The following DOCK3 variants were observed in gnomAD, a reference collection of about 807,000 sequenced individuals.
DOCK3 encodes dedicator of cytokinesis protein 3.
A neutral mutation model predicts 265.6 loss-of-function variants in DOCK3; 60 were observed. The ratio of observed to expected loss-of-function variants is 0.23; its 90% CI spans 0.18 to 0.28. The LOEUF (loss-of-function observed/expected upper bound fraction) is 0.28, where lower values mean the gene tolerates loss of function less well. Ranked by LOEUF, DOCK3 falls within the 10% of genes least tolerant of loss-of-function variation. The pLI is 1.00. For synonymous variants in DOCK3, 881 were observed against 938.0 expected (o/e 0.94, Z 1.11); for missense variants, 1,981 against 2,594.3 (o/e 0.76, Z 5.14).
At position 51,011,383 on chromosome 3, in the gene DOCK3, G is replaced by A. The variant is rs185478836; in HGVS notation, c.316-53065G>A. Among the ~76,000 whole-genome samples, 1,217 of 152,156 alleles carry A rather than the reference G, an allele frequency of 8.0e-3. 38 individuals carry two copies. Among genetic ancestry groups the A allele is most frequent in the Admixed American group, 0.065 (990 of 15,264 alleles). ...CTTCATTTCATTCATTTGATCTTCAGTCACTGATACCCTTTCTTCCAGTTG... is the reference window on the plus strand; with the variant it reads ...CTTCATTTCATTCATTTGATCTTCAATCACTGATACCCTTTCTTCCAGTTG... On this transcript the variant is annotated intron_variant, in intron 5 of 52. Transcript: ENST00000266037.
intron 2 of DOCK3, 117 bp downstream of exon 2, chr3:50,778,875 A>G: frequency 1.5e-6 from 1 of 653,440 alleles, no homozygotes; most frequent in Non-Finnish European, 2.4e-6. Flanking sequence ...TAGTCACATG[A>G]TGAAATAGTG....
chr3:51,004,182 G>GT (rs1559922919), intron 5 of DOCK3, among the ~76,000 whole-genome samples: 1 of 151,912 alleles, frequency 6.6e-6, no homozygotes, highest in Admixed American at 6.6e-5. Context: ...TTGGATGCCC[G>GT]TTTTTTCTTT....
In DOCK3 at chr3:51,214,192, T is replaced by C. The variant is rs1357973492; in HGVS notation, c.1197T>C (p.Phe399=). ...EQIRRENPMI[F]NRGLAITRKL... ...TTCGGAGAGAAAATCCCATGATATTTAATAGGGGATTGGCAATTACAAGAA... is the reference window on the plus strand; with the variant it reads ...TTCGGAGAGAAAATCCCATGATATTCAATAGGGGATTGGCAATTACAAGAA... The change falls in exon 14 of 53, where the codon TTT becomes TTC. Residue 399 remains phenylalanine (F), a synonymous_variant. Transcript: ENST00000266037. 6.2e-7 allele frequency: 1 copy of C among 1,613,718 alleles called. No individual in the cohort carries two copies. The highest frequency in any genetic ancestry group is 1.3e-5 in the African/African-American group (1 of 74,912).
At chr3:50,708,960 T>G (rs2036587658) in intron 1 of DOCK3, among the ~76,000 whole-genome samples, 1 of 152,258 alleles carries the variant, frequency 6.6e-6, no homozygotes, top group Admixed American at 6.5e-5. Flanking sequence ...GTCAGCCATC[T>G]TGAAGCCCAC....
At chr3:51,271,830 A>C (rs193282941) in intron 24 of DOCK3, among the ~76,000 whole-genome samples, 1 of 150,446 alleles carries the variant, frequency 6.6e-6, no homozygotes, top group Admixed American at 6.6e-5. Flanking sequence ...AAGCCTGAGC[A>C]ACAGAGCGAG....
chr3:50,921,317 C>T (rs535289618), intron 4 of DOCK3, among the ~76,000 whole-genome samples: 1 of 152,140 alleles, frequency 6.6e-6, no homozygotes, highest in Non-Finnish European at 1.5e-5. Context: ...GTCACTGATA[C>T]CCTTTCTTCC....
intron 3 of DOCK3, among the ~76,000 whole-genome samples, chr3:50,889,069 GTGTGTGTGT>G (rs1559773786): frequency 0.019 from 724 of 37,948 alleles, 9 homozygotes; most frequent in African/African-American, 0.059. Flanking sequence ...AGCCATGGGT[GTGTGTGTGT>G]GTGTGTGTGT....
In DOCK3 at chr3:51,075,370, A is replaced by G. The variant is rs999568216; in HGVS notation, c.479A>G (p.Asp160Gly). Reference sequence around the variant, plus strand: ...CTCTTTACTAGACATTTGGGCCTGGACCTGGTGCCTCGGAAGGACTTTGAA... The same window carrying G: ...CTCTTTACTAGACATTTGGGCCTGGGCCTGGTGCCTCGGAAGGACTTTGAA... ...LDWGNEHLGL[D>G]LVPRKDFEVV... Residue 160 changes from aspartate (D) to glycine (G), a missense_variant, in exon 7 of 53, where the codon GAC becomes GGC. Around this residue, in one of 4 missense-constraint regions of DOCK3, gnomAD observed 456 missense variants for 539.0 expected, o/e 0.85. Transcript: ENST00000266037. 6.2e-7 allele frequency: 1 copy of G among 1,610,922 alleles called. No homozygotes were observed. Among genetic ancestry groups the G allele is most frequent in the South Asian group, 1.1e-5 (1 of 90,018 alleles).
intron 27 of DOCK3, among the ~76,000 whole-genome samples, chr3:51,287,486 G>A (rs1166688688): frequency 6.6e-6 from 1 of 152,136 alleles, no homozygotes; most frequent in Non-Finnish European, 1.5e-5. Context: ...AGGAAATCAA[G>A]GCTGCAGTGA....
intron 1 of DOCK3, among the ~76,000 whole-genome samples, chr3:50,688,757 C>T (rs563542758): frequency 1.3e-5 from 2 of 152,280 alleles, no homozygotes; most frequent in African/African-American, 4.8e-5. Flanking sequence ...AGCCACCATG[C>T]CTGGCCGGTA....
At position 51,323,422 on chromosome 3, in the gene DOCK3, T is replaced by C. The variant is rs548335119; in HGVS notation, c.3403-6716T>C. On this transcript the variant is annotated intron_variant, in intron 32 of 52. Transcript: ENST00000266037. ...ATATACATTCTTCTCAGCACCACAT[T>C]GCACATATTCTAAAATTGACCACAT... Among the ~76,000 whole-genome samples, 19 of 152,232 alleles carry C rather than the reference T, an allele frequency of 1.2e-4. 1 individual carries two copies. The East Asian group carries it at 3.5e-3, about 28-fold the overall frequency.
At chr3:51,092,801 G>A (rs1442805050) in intron 9 of DOCK3, among the ~76,000 whole-genome samples, 1 of 152,208 alleles carries the variant, frequency 6.6e-6, no homozygotes, top group Admixed American at 6.5e-5. Context: ...CTGGGACGAA[G>A]CTTCCAGACG....
intron 2 of DOCK3, among the ~76,000 whole-genome samples, chr3:50,783,133 A>C (rs1278941777): frequency 6.6e-6 from 1 of 152,046 alleles, no homozygotes; most frequent in Non-Finnish European, 1.5e-5. Context: ...TGCTGCTATA[A>C]ACATGCGTGT....
chr3:50,728,657 A>G lies in DOCK3; in HGVS notation c.38-50018A>G, dbSNP rs551475641. On this transcript the variant is annotated intron_variant, in intron 1 of 52. Transcript: ENST00000266037. ...CCATTTTACTTTAAATATTGCTTGAATGGCTCAGTTGAACAAAGTTGACAC... is the reference window on the plus strand; with the variant it reads ...CCATTTTACTTTAAATATTGCTTGAGTGGCTCAGTTGAACAAAGTTGACAC... 4.7e-4 allele frequency among the ~76,000 whole-genome samples: 72 copies of G among 152,256 alleles called. 2 individuals are homozygous for G. In the South Asian group the frequency reaches 0.015, roughly 31 times the overall value.
chr3:50,871,899 TCTTTG>T lies in DOCK3; in HGVS notation c.163-18124_163-18120del, dbSNP rs538542825. ...TTGATTATTTTAAATTATTTCGATC[TCTTTG>T]CTAAATTTACCTGATAGAATTCTGG... is the stretch of plus-strand genomic sequence containing the variant. On this transcript the variant is annotated intron_variant, in intron 3 of 52. Transcript: ENST00000266037. 2.6e-5 allele frequency among the ~76,000 whole-genome samples: 4 copies of T among 152,340 alleles called. No homozygotes were observed. In the South Asian group the frequency reaches 8.3e-4, roughly 32 times the overall value.
chr3:50,751,413 C>T (rs1219633181), intron 1 of DOCK3, among the ~76,000 whole-genome samples: 1 of 152,126 alleles, frequency 6.6e-6, no homozygotes, highest in African/African-American at 2.4e-5. Flanking sequence ...CTAATGCTCT[C>T]CCTCCCCTTC....
chr3:50,829,041 C>T (rs1002977221), intron 2 of DOCK3, among the ~76,000 whole-genome samples: 1 of 152,094 alleles, frequency 6.6e-6, no homozygotes, highest in Non-Finnish European at 1.5e-5. Flanking sequence ...ATCTCTTTAC[C>T]ATGCTTTTAC....
chr3:51,186,448 A>G (rs1402080344), intron 12 of DOCK3, among the ~76,000 whole-genome samples: 1 of 152,208 alleles, frequency 6.6e-6, no homozygotes, highest in East Asian at 1.9e-4. Flanking sequence ...TTCGCAGCCT[A>G]ACAATGCAAT....
intron 5 of DOCK3, among the ~76,000 whole-genome samples, chr3:50,995,960 G>A (rs1020224400): frequency 6.0e-5 from 9 of 150,514 alleles, no homozygotes; most frequent in African/African-American, 1.2e-4. Flanking sequence ...GCAGTGGTGC[G>A]ATCTCGGCTC....
Sources: gnomAD v4.1 joint callset for allele counts (sites outside exome capture counted in the v4.1 genomes callset) on GRCh38, gnomAD v4.1.1 for gene constraint, gnomAD v4.1.1 regional missense constraint, MANE v1.5 for transcripts, NCBI Gene and HGNC (gene_info 2026-07-23, HGNC 2026-07-21) for gene names.